Variants in MYO9B observed in about 807,000 individuals in gnomAD.
MYO9B encodes the protein unconventional myosin-IXb.
A neutral mutation model predicts 229.5 loss-of-function variants in MYO9B; 71 were observed. The observed-to-expected ratio is 0.31, with a 90% CI of 0.26 to 0.38. The LOEUF (loss-of-function observed/expected upper bound fraction) is 0.38, where lower values mean the gene tolerates loss of function less well. Among genes scored for constraint, MYO9B ranks in the 10% least tolerant of loss-of-function variants. The pLI is 1.00. For synonymous variants in MYO9B, 1,185 were observed against 1,235.8 expected, an observed-to-expected ratio of 0.96 and a Z score of 0.86; for missense variants, 2,255 against 2,920.5, an observed-to-expected ratio of 0.77 and a Z score of 5.25.
intron 2 of MYO9B, among the ~76,000 whole-genome samples, chr19:17,130,651 G>C (rs947803262): frequency 6.6e-6 from 1 of 151,548 alleles, no homozygotes; most frequent in Non-Finnish European, 1.5e-5. Context: ...AGGCATGGTG[G>C]TGCACACCTG....
intron 1 of MYO9B, among the ~76,000 whole-genome samples, chr19:17,095,172 C>G (rs1444056658): frequency 1.3e-5 from 2 of 151,866 alleles, no homozygotes; most frequent in African/African-American, 4.8e-5. Context: ...GAACCCAGGA[C>G]GTGAAGGTTA....
intron 2 of MYO9B, among the ~76,000 whole-genome samples, chr19:17,139,191 C>A (rs1053978836): frequency 6.6e-6 from 1 of 151,200 alleles, no homozygotes; most frequent in Non-Finnish European, 1.5e-5. Context: ...AAAGCAAAAA[C>A]AAATAGGTAT....
At chr19:17,152,762 C>CTGTAGGAGGAAA in intron 4 of MYO9B, 56 bp downstream of exon 4, 4 of 1,483,344 alleles carry the variant, frequency 2.7e-6, no homozygotes, top group Non-Finnish European at 3.7e-6. Context: ...TACGTTTCCT[C>CTGTAGGAGGAAA]CTACAGAGGA....
chr19:17,081,886 T>C lies in MYO9B; in HGVS notation c.-59+6012T>C, dbSNP rs147344067. On this transcript the variant is annotated intron_variant, in intron 1 of 39. Coordinates refer to ENST00000682292, the MANE Select transcript of MYO9B (RefSeq NM_004145.4). ...GTCCCATGGGATTTTACAGGGGATG[T>C]GTTGAGGGCCAGGTCCACAAGGCTG... 1.2e-3 allele frequency among the ~76,000 whole-genome samples: 170 copies of C among 145,570 alleles called. 1 individual carries two copies. The highest frequency in any genetic ancestry group is 4.1e-3 in the African/African-American group (162 of 39,196).
Position 17,159,253 on chromosome 19 carries a change from C to T in MYO9B, c.1330-142C>T. ...ACATCGCGGGTGGGTGGGTGGGCTT[C>T]AGGTCCCACTTCTAGGCCTGGCTGC... On this transcript the variant is annotated intron_variant, in intron 7 of 39. Transcript: ENST00000682292. 1.3e-5 allele frequency: 9 copies of T among 693,540 alleles called. 1 individual carries two copies. In the South Asian group the frequency reaches 1.6e-4, roughly 12 times the overall value. The allele number at this position is 693,540 out of a possible 1,614,324, so 43.0% of individuals were successfully genotyped here. A position where few individuals can be genotyped will look rare whatever the true frequency, so the allele number is the denominator to read the frequency against.
chr19:17,115,998 G>A (rs1405099876), intron 2 of MYO9B, among the ~76,000 whole-genome samples: 2 of 141,188 alleles, frequency 1.4e-5, no homozygotes, highest in East Asian at 4.0e-4. Flanking sequence ...CACAGGGTTC[G>A]GCGGAGCTAA....
At chr19:17,162,226 A>G in intron 8 of MYO9B, 124 bp from the exon 9 acceptor site, 1 of 724,598 alleles carries the variant, frequency 1.4e-6, no homozygotes. Context: ...AATCTCTTGA[A>G]CCCAGGAGGT....
chr19:17,160,500 T>G (rs911407041), intron 8 of MYO9B, among the ~76,000 whole-genome samples: 3 of 124,166 alleles, frequency 2.4e-5, no homozygotes, highest in Admixed American at 7.9e-5. Context: ...CTTAAGAGCT[T>G]CTTTTTTTTC....
Position 17,172,261 on chromosome 19 carries a change from G to A in MYO9B, c.1794-75G>A. 6.3e-7 allele frequency: 1 copy of A among 1,577,488 alleles called. No individual in the cohort carries two copies. The highest frequency in any genetic ancestry group is 8.6e-7 in the Non-Finnish European group (1 of 1,160,370). On this transcript the variant is annotated intron_variant, in intron 11 of 39. Transcript: ENST00000682292. This position sits in a 1 kb window ranked among gnomAD's most constrained non-coding sequence, Gnocchi z 8.2. ...CACCCACCCACCTCGTGCACCAGGGGTCTGCAAGATAAAATACACAGCAGG... is the reference window on the plus strand; with the variant it reads ...CACCCACCCACCTCGTGCACCAGGGATCTGCAAGATAAAATACACAGCAGG...
intron 24 of MYO9B, 144 bp from the exon 25 acceptor site, chr19:17,200,149 A>G (rs563321752): frequency 1.9e-6 from 2 of 1,035,562 alleles, no homozygotes; most frequent in African/African-American, 1.6e-5. Flanking sequence ...CTGGGATTAC[A>G]GGCATAAGCC....
chr19:17,186,815 C>T (rs544786253), intron 18 of MYO9B, among the ~76,000 whole-genome samples: 1 of 152,230 alleles, frequency 6.6e-6, no homozygotes, highest in East Asian at 1.9e-4. Context: ...ACTGCAGCCT[C>T]GACCTCCCAG....
At chr19:17,189,905 A>G (rs34180454) in intron 19 of MYO9B, among the ~76,000 whole-genome samples, 1 of 151,626 alleles carries the variant, frequency 6.6e-6, no homozygotes, top group East Asian at 2.0e-4. Flanking sequence ...CTACTAAAAA[A>G]AATTTAAAAA....
At chr19:17,118,717 A>G (rs1455954832) in intron 2 of MYO9B, among the ~76,000 whole-genome samples, 1 of 152,110 alleles carries the variant, frequency 6.6e-6, no homozygotes, top group Non-Finnish European at 1.5e-5. Flanking sequence ...TCCTGACCTC[A>G]GGTGATCCGC....
At chr19:17,211,261 G>A (rs111742808) in intron 38 of MYO9B, among the ~76,000 whole-genome samples, 13,630 of 151,920 alleles carry the variant, frequency 0.09, 718 homozygotes, top group African/African-American at 0.15. Context: ...GATTACAGGC[G>A]TGAGCCACCG....
chr19:17,195,033 C>T lies in MYO9B; in HGVS notation c.3606C>T (p.Thr1202=), dbSNP rs1321592245. Residue 1202 remains threonine, a synonymous_variant, in exon 22 of 40, where the codon ACC becomes ACT. Coordinates refer to ENST00000682292, the MANE Select transcript of MYO9B (RefSeq NM_004145.4). This position sits in a 1 kb window ranked among gnomAD's most constrained non-coding sequence, Gnocchi z 4.5. ...EDKKESREDE[T]LLVVETEAEN... ...AAAAGGAGAGCAGAGAAGATGAAAC[C>T]CTTCTAGTCGTAGAGACGGAGGCTG... 1.9e-6 allele frequency: 3 copies of T among 1,612,980 alleles called. No individual in the cohort carries two copies. The African/African-American group carries it at 4.0e-5, about 22-fold the overall frequency.
At position 17,211,599 on chromosome 19, in the gene MYO9B, G is replaced by T. The variant is rs778797344; in HGVS notation, c.5931-48G>T. The T allele has an allele frequency of 3.9e-6, 6 of 1,523,622 alleles. No individual in the cohort carries two copies. In the Admixed American group the frequency reaches 1.2e-4, roughly 30 times the overall value. 94.4% of individuals were successfully genotyped at this position (1,523,622 alleles called of 1,614,324 possible). A position where few individuals can be genotyped will look rare whatever the true frequency, so the allele number is the denominator to read the frequency against. On this transcript the variant is annotated intron_variant, in intron 38 of 39. Transcript: ENST00000682292. Reference sequence around the variant, plus strand: ...GCCTGCTCTGTTCCACACTGGCCCAGCACTTCCGGTGGGGTGGCCTTGGAC... The same window carrying T: ...GCCTGCTCTGTTCCACACTGGCCCATCACTTCCGGTGGGGTGGCCTTGGAC...
In MYO9B at chr19:17,193,602, G is replaced by T. The variant is rs968404919; in HGVS notation, c.3128+540G>T. Reference sequence around the variant, plus strand: ...CACATGCAAAAGCCTCCTAGGCCAGGTGCAATGGCTCATGCCTGTAATCCC... The same window carrying T: ...CACATGCAAAAGCCTCCTAGGCCAGTTGCAATGGCTCATGCCTGTAATCCC... On this transcript the variant is annotated intron_variant, in intron 21 of 39. Coordinates refer to ENST00000682292, the MANE Select transcript of MYO9B (RefSeq NM_004145.4). This position sits in a 1 kb window ranked among gnomAD's most constrained non-coding sequence, Gnocchi z 4.3. 6.6e-6 allele frequency among the ~76,000 whole-genome samples: 1 copy of T among 152,204 alleles called. No homozygotes were observed. The highest frequency in any genetic ancestry group is 2.4e-5 in the African/African-American group (1 of 41,460).
rs1195742722 is a variant in MYO9B at position 17,172,475 on chromosome 19, A to G, written c.1933A>G (p.Lys645Glu). 1.6e-5 allele frequency: 26 copies of G among 1,613,478 alleles called. No homozygotes were observed. The highest frequency in any genetic ancestry group is 2.2e-5 in the Non-Finnish European group (26 of 1,179,686). Residue 645 changes from lysine (K) to glutamate (E), a missense_variant and splice_region_variant, in exon 12 of 40, where the codon AAG becomes GAG. This residue lies in a region of MYO9B where 220 missense variants were observed against 404.5 expected (regional missense o/e 0.54). Transcript: ENST00000682292. This position sits in a 1 kb window ranked among gnomAD's most constrained non-coding sequence, Gnocchi z 8.2. ...HFAGKVKYQI[K>E]DFREKNMDYM... ...CGCAGGGAAGGTGAAATATCAGATC[A>G]AGGTAGGTGTCTGCCCATCACCACT...
chr19:17,173,879 G>A (rs1001109934), intron 13 of MYO9B, among the ~76,000 whole-genome samples: 20 of 152,232 alleles, frequency 1.3e-4, no homozygotes, highest in African/African-American at 4.6e-4. Flanking sequence ...GTTATCAGCT[G>A]TGGCTTCTGT....
Sources: allele counts gnomAD v4.1 joint callset (sites outside exome capture counted in the v4.1 genomes callset), GRCh38; gene constraint gnomAD v4.1.1; regional missense constraint gnomAD v4.1.1; non-coding constraint Gnocchi (gnomAD v3.1); transcripts MANE v1.5; gene names NCBI Gene and HGNC (gene_info 2026-07-23, HGNC 2026-07-21).